Variants in TANC1 observed in about 807,000 individuals in gnomAD.
TANC1 encodes tetratricopeptide repeat, ankyrin repeat and coiled-coil containing 1.
In TANC1, 77 loss-of-function variants were observed where a neutral mutation model predicts 149.7. The ratio of observed to expected loss-of-function variants is 0.51; its 90% CI spans 0.43 to 0.62. The LOEUF (loss-of-function observed/expected upper bound fraction) is 0.62, where lower values mean the gene tolerates loss of function less well. TANC1 is among the 20% of genes least tolerant of loss of function. The pLI is 0.00. For synonymous variants in TANC1, 854 were observed against 925.0 expected (o/e 0.92, Z 1.39); for missense variants, 1,985 against 2,321.8 (o/e 0.85, Z 2.98).
intron 2 of TANC1, among the ~76,000 whole-genome samples, chr2:159,035,011 T>C (rs1434795630): frequency 6.6e-6 from 1 of 152,204 alleles, no homozygotes; most frequent in Admixed American, 6.5e-5. Flanking sequence ...GGAGACATGC[T>C]TTGGTCCATG....
At chr2:159,171,375 T>C (rs772178834) in intron 10 of TANC1, among the ~76,000 whole-genome samples, 2 of 152,202 alleles carry the variant, frequency 1.3e-5, no homozygotes, top group Non-Finnish European at 2.9e-5. Flanking sequence ...CTCACATCTG[T>C]AATACCAACA....
At chr2:159,148,122 G>A (rs1428541027) in intron 5 of TANC1, 1 of 152,158 alleles carries the variant, frequency 6.6e-6, no homozygotes, top group Non-Finnish European at 1.5e-5. Context: ...TATGAGTCCA[G>A]TTACCTAGAC....
chr2:159,095,923 G>A (rs1453310487), intron 3 of TANC1, among the ~76,000 whole-genome samples: 1 of 151,896 alleles, frequency 6.6e-6, no homozygotes, highest in Non-Finnish European at 1.5e-5. Context: ...ACAAAAATCT[G>A]CAGAATTTAG....
rs772559431 is a variant in TANC1, at chr2:159,149,176, G to T, written c.399G>T (p.Pro133=). The T allele has an allele frequency of 6.2e-7, 1 of 1,609,918 alleles. No individual in the cohort carries two copies. Among genetic ancestry groups the T allele is most frequent in the South Asian group, 1.1e-5 (1 of 90,626 alleles). The change falls in exon 6 of 27, where the codon CCG becomes CCT. Residue 133 remains proline (P), a synonymous_variant. Coordinates refer to ENST00000263635, the MANE Select transcript of TANC1 (RefSeq NM_033394.3). ...CCGATAATGAACCGAGCTGTTCGCC[G>T]GCAGCTCAAGAACTGTTGACAAGGC... The part of the protein sequence containing the change: ...AKADNEPSCS[P]AAQELLTRLG...
In TANC1 at chr2:159,213,890, C is replaced by CT. The variant is rs996074955; in HGVS notation, c.3245-3606dup. On this transcript the variant is annotated intron_variant, in intron 19 of 26. Transcript: ENST00000263635. Reference sequence around the variant, plus strand: ...CCTGTAATCCCAGCACTTTGGGAGGCTAAGGTGGGCAGATCACCTGAGGTC... The same window carrying CT: ...CCTGTAATCCCAGCACTTTGGGAGGCTTAAGGTGGGCAGATCACCTGAGGTC... 6.8e-4 allele frequency among the ~76,000 whole-genome samples: 103 copies of CT among 152,160 alleles called. 3 individuals are homozygous for CT. The Middle Eastern group carries it at 0.014, about 20-fold the overall frequency.
rs574386942 is a variant in TANC1 at position 159,179,810 on chromosome 2, T to C, written c.2510+647T>C. 1.3e-4 allele frequency among the ~76,000 whole-genome samples: 20 copies of C among 152,306 alleles called. 1 individual carries two copies. Among genetic ancestry groups the C allele is most frequent in the Admixed American group, 8.5e-4 (13 of 15,300 alleles). On this transcript the variant is annotated intron_variant, in intron 14 of 26. Coordinates refer to ENST00000263635, the MANE Select transcript of TANC1 (RefSeq NM_033394.3). The stretch of plus-strand genomic sequence containing the variant: ...ACAGTGGGATGGGGAAGGAAGCCTG[T>C]CTGCTGTGTGGCTTGGTAACAGTGT...
intron 14 of TANC1, among the ~76,000 whole-genome samples, chr2:159,184,245 G>C (rs904674569): frequency 6.6e-6 from 1 of 152,222 alleles, no homozygotes; most frequent in East Asian, 1.9e-4. Context: ...TTGATACCTG[G>C]AAGCTTTGGA....
At chr2:159,194,110 T>C (rs1007460646) in intron 16 of TANC1, 147 bp from the exon 17 acceptor site, 3 of 682,348 alleles carry the variant, frequency 4.4e-6, no homozygotes, top group Non-Finnish European at 5.3e-6. Flanking sequence ...TGTGCATTGT[T>C]AATATATTCC....
intron 5 of TANC1, among the ~76,000 whole-genome samples, chr2:159,144,674 G>T (rs915114282): frequency 1.3e-5 from 2 of 152,212 alleles, no homozygotes; most frequent in African/African-American, 4.8e-5. Flanking sequence ...TGGGATTACA[G>T]GTGTAAGCCA....
Position 159,224,338 on chromosome 2 carries a change from C to G in TANC1, c.3785C>G (p.Ala1262Gly), listed in dbSNP as rs772965429. 6.2e-7 allele frequency: 1 copy of G among 1,614,132 alleles called. No homozygotes were observed. Among genetic ancestry groups the G allele is most frequent in the African/African-American group, 1.3e-5 (1 of 75,032 alleles). The change falls in exon 23 of 27, where the codon GCG (alanine) becomes GGG (glycine). Residue 1262 changes from alanine (A) to glycine (G), a missense_variant. Ala to Gly is a moderately conservative substitution (Grantham distance 60, BLOSUM62 0). Around this residue, in one of 3 missense-constraint regions of TANC1, gnomAD observed 920 missense variants for 994.7 expected, o/e 0.92. Coordinates refer to ENST00000263635, the MANE Select transcript of TANC1 (RefSeq NM_033394.3). ...TGCCGGAACACATCTGTAGTGGTGG[C>G]GCTACTCAGAAAGGGAGCCAAGTTA... The part of the protein sequence containing the change: ...IGCRNTSVVV[A>G]LLRKGAKLGN...
intron 1 of TANC1, among the ~76,000 whole-genome samples, chr2:158,979,404 G>A (rs1319970109): frequency 1.3e-5 from 2 of 151,962 alleles, no homozygotes; most frequent in African/African-American, 2.4e-5. Flanking sequence ...TGAGGTGGGA[G>A]GGTCGCTTGA....
At chr2:159,157,928 A>G (rs2053602834) in intron 7 of TANC1, among the ~76,000 whole-genome samples, 2 of 152,184 alleles carry the variant, frequency 1.3e-5, no homozygotes, top group South Asian at 4.1e-4. Context: ...CAACCCAGGG[A>G]AGGACAAATC....
intron 2 of TANC1, among the ~76,000 whole-genome samples, chr2:159,015,208 T>C (rs1429390543): frequency 6.6e-6 from 1 of 152,204 alleles, no homozygotes; most frequent in Non-Finnish European, 1.5e-5. Flanking sequence ...CAAACCTCAG[T>C]TCTTGACTTC....
intron 14 of TANC1, among the ~76,000 whole-genome samples, chr2:159,183,492 G>GGA (rs1428724783): frequency 1.3e-5 from 2 of 152,184 alleles, no homozygotes; most frequent in East Asian, 3.9e-4. Context: ...AGGGTTTCAG[G>GGA]GAGGGACCTT....
intron 4 of TANC1, among the ~76,000 whole-genome samples, chr2:159,101,184 C>A (rs1490340061): frequency 2.0e-5 from 3 of 152,004 alleles, no homozygotes; most frequent in African/African-American, 4.8e-5. Context: ...AACAAAAAAA[C>A]CAAACTTGTT....
chr2:159,116,430 A>AAACAACAAC (rs70994264), intron 4 of TANC1, among the ~76,000 whole-genome samples: 34 of 148,610 alleles, frequency 2.3e-4, no homozygotes, highest in Non-Finnish European at 3.0e-4. Flanking sequence ...CAGTCTCAAA[A>AAACAACAAC]AACAACAACA....
intron 2 of TANC1, among the ~76,000 whole-genome samples, chr2:159,019,819 G>T (rs776077324): frequency 6.6e-6 from 1 of 151,594 alleles, no homozygotes; most frequent in African/African-American, 2.4e-5. Flanking sequence ...ACGGGGTTTC[G>T]ACATGTTGGC....
intron 2 of TANC1, among the ~76,000 whole-genome samples, chr2:159,016,417 A>G (rs1183873796): frequency 6.6e-6 from 1 of 152,172 alleles, no homozygotes; most frequent in East Asian, 1.9e-4. Context: ...ACACAGAGCC[A>G]AACCATATTA....
chr2:159,072,517 C>A (rs950445823), intron 3 of TANC1, among the ~76,000 whole-genome samples: 2 of 152,194 alleles, frequency 1.3e-5, no homozygotes, highest in African/African-American at 4.8e-5. Flanking sequence ...GGGTTGAATA[C>A]GAATACCTTT....
Sources: allele counts gnomAD v4.1 joint callset (sites outside exome capture counted in the v4.1 genomes callset), GRCh38; gene constraint gnomAD v4.1.1; regional missense constraint gnomAD v4.1.1; transcripts MANE v1.5; gene names NCBI Gene and HGNC (gene_info 2026-07-23, HGNC 2026-07-21).